The following MCC variants were observed in gnomAD, a reference collection of about 807,000 sequenced individuals.
The protein encoded by MCC is MCC regulator of Wnt signaling pathway.
A neutral mutation model predicts 116.2 loss-of-function variants in MCC; 90 were observed. The observed-to-expected ratio is 0.77, with a 90% confidence interval of 0.65 to 0.92. The LOEUF (loss-of-function observed/expected upper bound fraction) is 0.92. MCC is among the 40% of genes least tolerant of loss of function. The pLI is 0.00. For missense variants in MCC, 1,516 were observed against 1,312.2 expected, an observed-to-expected ratio of 1.16 and a Z score of -2.40; for synonymous variants, 578 against 510.5, an observed-to-expected ratio of 1.13 and a Z score of -1.78.
intron 3 of MCC, among the ~76,000 whole-genome samples, chr5:113,244,338 A>G (rs1045961811): frequency 6.6e-5 from 10 of 152,230 alleles, no homozygotes; most frequent in African/African-American, 2.4e-4. Flanking sequence ...TTACAACTTA[A>G]AGCCTACAGG....
intron 3 of MCC, among the ~76,000 whole-genome samples, chr5:113,327,766 T>C (rs1283478011): frequency 6.6e-6 from 1 of 150,496 alleles, no homozygotes; most frequent in East Asian, 2.0e-4. Flanking sequence ...TTTTAAGTAA[T>C]AATTATTAGG....
chr5:113,111,877 G>A (rs1377189006), intron 6 of MCC, among the ~76,000 whole-genome samples: 2 of 152,120 alleles, frequency 1.3e-5, no homozygotes, highest in Non-Finnish European at 2.9e-5. Flanking sequence ...GGACAAAGCT[G>A]GTTTTCTTCT....
At chr5:113,474,484 G>A (rs1294497922) in intron 1 of MCC, among the ~76,000 whole-genome samples, 1 of 152,210 alleles carries the variant, frequency 6.6e-6, no homozygotes, top group Non-Finnish European at 1.5e-5. Context: ...GATAATGCTG[G>A]AGGGGGAGTG....
chr5:113,329,573 G>T (rs1767650223), intron 3 of MCC, among the ~76,000 whole-genome samples: 1 of 152,002 alleles, frequency 6.6e-6, no homozygotes, highest in Non-Finnish European at 1.5e-5. Context: ...TATAAATCCA[G>T]AAAGCCATAC....
chr5:113,245,854 A>C (rs1561482950), intron 3 of MCC, among the ~76,000 whole-genome samples: 1 of 152,206 alleles, frequency 6.6e-6, no homozygotes, highest in African/African-American at 2.4e-5. Flanking sequence ...TGAAAGGAAA[A>C]AAGTCACCAG....
intron 13 of MCC, among the ~76,000 whole-genome samples, chr5:113,067,360 C>T (rs922041297): frequency 2.0e-5 from 3 of 152,170 alleles, no homozygotes; most frequent in Non-Finnish European, 4.4e-5. Flanking sequence ...TTCAAAACTA[C>T]TCAAAAGCCG....
intron 1 of MCC, chr5:113,432,419 G>A (rs985125762): frequency 2.0e-5 from 3 of 151,580 alleles, no homozygotes; most frequent in Admixed American, 6.6e-5. Context: ...GCTCTGCCAC[G>A]TATTTATCAT....
chr5:113,203,676 C>G (rs1038515877), intron 3 of MCC, among the ~76,000 whole-genome samples: 1 of 152,122 alleles, frequency 6.6e-6, no homozygotes, highest in African/African-American at 2.4e-5. Flanking sequence ...CCGTGCAAGC[C>G]ACCAGAATGA....
intron 3 of MCC, among the ~76,000 whole-genome samples, chr5:113,198,553 A>T (rs576043702): frequency 0.01 from 1,522 of 151,070 alleles, 29 homozygotes; most frequent in African/African-American, 0.035. Flanking sequence ...AAAAAAAAAA[A>T]AATAGCCGGG....
chr5:113,101,914 C>G lies in MCC; in HGVS notation c.1223G>C (p.Arg408Pro). 1 of 1,613,978 alleles carries G rather than the reference C, an allele frequency of 6.2e-7. No individual in the cohort carries two copies. The highest frequency in any genetic ancestry group is 8.5e-7 in the Non-Finnish European group (1 of 1,180,024). ...TTCAGCCAGGTTGGGATACAGGTCC[C>G]GGCCAAGCACCCCCTCAATCTCCTC... ...TVEEIEGVLG[R>P]DLYPNLAEER... The change falls in exon 8 of 19, where the codon CGG (arginine) becomes CCG (proline). Residue 408 changes from arginine to proline, a missense_variant. Arg to Pro is a moderately radical substitution (Grantham distance 103). Transcript: ENST00000408903.
intron 8 of MCC, 85 bp from the exon 9 acceptor site, chr5:113,085,395 C>A (rs1755144035): frequency 7.4e-7 from 1 of 1,343,888 alleles, no homozygotes; most frequent in Non-Finnish European, 1.0e-6. Flanking sequence ...GTGGGGCTTT[C>A]ATTTACATTG....
intron 17 of MCC, among the ~76,000 whole-genome samples, chr5:113,042,086 A>G (rs1751744354): frequency 6.6e-6 from 1 of 152,214 alleles, no homozygotes; most frequent in South Asian, 2.1e-4. Flanking sequence ...GAATATTTAA[A>G]GAAAGCAAAC....
At chr5:113,376,795 T>C (rs1768997910) in intron 2 of MCC, among the ~76,000 whole-genome samples, 2 of 152,182 alleles carry the variant, frequency 1.3e-5, no homozygotes, top group Non-Finnish European at 2.9e-5. Context: ...GTCCACAAGA[T>C]GGGGATAGAG....
intron 2 of MCC, among the ~76,000 whole-genome samples, chr5:113,357,049 A>G (rs984808011): frequency 5.9e-5 from 9 of 152,214 alleles, no homozygotes; most frequent in African/African-American, 2.2e-4. Flanking sequence ...GCTGCTTAGT[A>G]TCAGGTTTAA....
chr5:113,358,086 T>C (rs1728843641), intron 2 of MCC, among the ~76,000 whole-genome samples: 1 of 152,204 alleles, frequency 6.6e-6, no homozygotes, highest in East Asian at 1.9e-4. Context: ...AGAACTGACA[T>C]TGCTGCAGAC....
At position 113,024,218 on chromosome 5, in the gene MCC, A is replaced by AAGTT. The variant is rs947887257; in HGVS notation, c.*3080_*3083dup. On this transcript the variant is annotated 3_prime_UTR_variant, in exon 19 of 19. Transcript: ENST00000408903. ...TGAAAGGAGAATTAAGCAATTTTAA[A>AAGTT]AGTTAAGTGCTAGTTAAACATAACA... 4.0e-5 allele frequency: 6 copies of AAGTT among 150,912 alleles called. No homozygotes were observed. The highest frequency in any genetic ancestry group is 1.5e-4 in the African/African-American group (6 of 41,150). 9.3% of individuals were successfully genotyped at this position (150,912 alleles called of 1,614,324 possible).
intron 11 of MCC, among the ~76,000 whole-genome samples, chr5:113,073,021 C>T (rs1754147045): frequency 6.6e-6 from 1 of 152,252 alleles, no homozygotes; most frequent in South Asian, 2.1e-4. Flanking sequence ...AACCTGTGGG[C>T]TGCATGGGGC....
chr5:113,353,097 G>A (rs1221459944), intron 2 of MCC, among the ~76,000 whole-genome samples: 1 of 152,138 alleles, frequency 6.6e-6, no homozygotes, highest in Non-Finnish European at 1.5e-5. Flanking sequence ...TTCCAGCCAG[G>A]CTGACCTTCT....
chr5:113,065,323 C>T lies in MCC; in HGVS notation c.2030-1156G>A, dbSNP rs552583733. On this transcript the variant is annotated intron_variant, in intron 13 of 18. Transcript: ENST00000408903. ...GCATATGGGAAATCTCTGTGCCTTC[C>T]TCTCAGTTTTGCTGTGAACCTAAAA... 3.3e-5 allele frequency among the ~76,000 whole-genome samples: 5 copies of T among 152,184 alleles called. No homozygotes were observed. In the South Asian group the frequency reaches 8.3e-4, roughly 25 times the overall value.
Sources: gnomAD v4.1 joint callset for allele counts (sites outside exome capture counted in the v4.1 genomes callset) on GRCh38, gnomAD v4.1.1 for gene constraint, MANE v1.5 for transcripts, NCBI Gene and HGNC (gene_info 2026-07-23, HGNC 2026-07-21) for gene names.